TTC9: variants seen among roughly 807,000 people sequenced by gnomAD.
TTC9 encodes tetratricopeptide repeat protein 9A.
Under a neutral mutation model 22.9 loss-of-function variants are expected in TTC9, and 13 were observed. The ratio of observed to expected loss-of-function variants is 0.57; its 90% CI spans 0.37 to 0.90. TTC9 has a LOEUF of 0.90. TTC9 is among the 40% of genes least tolerant of loss of function. The probability of loss-of-function intolerance (pLI) is 0.01; values close to 1 mark genes in which losing one functional copy is unlikely to be tolerated. For synonymous variants in TTC9, 148 were observed against 133.2 expected, an observed-to-expected ratio of 1.11 and a Z score of -0.77; for missense variants, 280 against 291.8, an observed-to-expected ratio of 0.96 and a Z score of 0.29.
chr14:70,654,052 G>T (rs1482098376), intron 1 of TTC9, among the ~76,000 whole-genome samples: 1 of 152,080 alleles, frequency 6.6e-6, no homozygotes, highest in Non-Finnish European at 1.5e-5. Flanking sequence ...GCTTAATCAG[G>T]CATCTTGGGA....
At chr14:70,662,389 C>T (rs1397790840) in intron 1 of TTC9, among the ~76,000 whole-genome samples, 2 of 141,372 alleles carry the variant, frequency 1.4e-5, no homozygotes, top group East Asian at 4.1e-4. Context: ...AGACCCACAT[C>T]AGAACATAAT....
chr14:70,650,239 T>C (rs1242281277), intron 1 of TTC9, among the ~76,000 whole-genome samples: 5 of 152,126 alleles, frequency 3.3e-5, no homozygotes, highest in Non-Finnish European at 7.4e-5. Flanking sequence ...CTGGCCAACA[T>C]GGTGAGAACC....
chr14:70,647,627 G>A (rs904308980), intron 1 of TTC9, among the ~76,000 whole-genome samples: 3 of 152,126 alleles, frequency 2.0e-5, no homozygotes, highest in South Asian at 2.1e-4. Flanking sequence ...GCATCATGGG[G>A]CTCCTAGAAT....
chr14:70,655,969 A>T (rs958758320), intron 1 of TTC9, among the ~76,000 whole-genome samples: 2 of 151,938 alleles, frequency 1.3e-5, no homozygotes, highest in African/African-American at 2.4e-5. Flanking sequence ...TCAGCTTCTT[A>T]GGTTTCCCCA....
chr14:70,651,237 C>A (rs1411116524), intron 1 of TTC9, among the ~76,000 whole-genome samples: 1 of 152,236 alleles, frequency 6.6e-6, no homozygotes, highest in African/African-American at 2.4e-5. Context: ...CTGCCTTGGC[C>A]TCCCAGCATG....
chr14:70,642,365 A>T lies in TTC9; in HGVS notation c.236A>T (p.Lys79Ile). The T allele has an allele frequency of 1.9e-6, 3 of 1,605,462 alleles. No homozygotes were observed. The East Asian group carries it at 6.8e-5, about 36-fold the overall frequency. Residue 79 changes from lysine to isoleucine, a missense_variant, in exon 1 of 3, where the codon AAA becomes ATA. Transcript: ENST00000256367. ...AAGAAATTCCGTGAAGCCATAGGCA[A>T]ATACCACCGGGCGTTGCTGGAGCTG... The part of the protein sequence containing the change: ...KDKKFREAIG[K>I]YHRALLELKG...
In TTC9 at chr14:70,642,255, C is replaced by A; in HGVS notation, c.126C>A (p.Gly42=). The A allele has an allele frequency of 6.8e-7, 1 of 1,469,756 alleles. No individual in the cohort carries two copies. The highest frequency in any genetic ancestry group is 1.3e-5 in the South Asian group (1 of 75,136). The allele number at this position is 1,469,756 out of a possible 1,614,324, so 91.0% of individuals were successfully genotyped here. Reference sequence around the variant, plus strand: ...GCGGCGGAGGAGCCCCAGCGAGGGGCCAGGTCGGGGCGGCGGCCGAGCCGG... The same window carrying A: ...GCGGCGGAGGAGCCCCAGCGAGGGGACAGGTCGGGGCGGCGGCCGAGCCGG... The part of the protein sequence containing the change: ...PGGGGGAPAR[G]QVGAAAEPAE... The change falls in exon 1 of 3, where the codon GGC becomes GGA. Residue 42 remains glycine (G), a synonymous_variant. Transcript: ENST00000256367.
intron 1 of TTC9, among the ~76,000 whole-genome samples, chr14:70,645,729 T>C (rs531959901): frequency 6.6e-6 from 1 of 152,316 alleles, no homozygotes; most frequent in South Asian, 2.1e-4. Flanking sequence ...CGACCAGGTC[T>C]GCAGCACCAG....
At position 70,672,249 on chromosome 14, in the gene TTC9, A is replaced by C. The variant is rs1199489053; in HGVS notation, c.*1094A>C. The C allele has an allele frequency of 1.3e-5, 2 of 152,246 alleles. No homozygotes were observed. The highest frequency in any genetic ancestry group is 3.2e-3 in the Middle Eastern group (1 of 316). The allele number at this position is 152,246 out of a possible 1,614,324, so 9.4% of individuals were successfully genotyped here. A position where few individuals can be genotyped will look rare whatever the true frequency, so the allele number is the denominator to read the frequency against. On this transcript the variant is annotated 3_prime_UTR_variant, in exon 3 of 3. Transcript: ENST00000256367. Reference sequence around the variant, plus strand: ...GGCTTGGCTTTGTCAGAACTTGTACAATCTTCTTTTGATGAAATTATCTGA... The same window carrying C: ...GGCTTGGCTTTGTCAGAACTTGTACCATCTTCTTTTGATGAAATTATCTGA...
intron 1 of TTC9, among the ~76,000 whole-genome samples, chr14:70,663,642 G>T (rs1886173898): frequency 6.8e-6 from 1 of 147,856 alleles, no homozygotes; most frequent in Non-Finnish European, 1.5e-5. Flanking sequence ...ATAGCAGTTA[G>T]CCCACATGTG....
At chr14:70,666,523 A>G (rs1334647743) in intron 1 of TTC9, among the ~76,000 whole-genome samples, 1 of 152,210 alleles carries the variant, frequency 6.6e-6, no homozygotes, top group East Asian at 1.9e-4. Context: ...AAGAATGTTA[A>G]CTAACATTTT....
At position 70,656,098 on chromosome 14, in the gene TTC9, T is replaced by A. The variant is rs770213029; in HGVS notation, c.407-11466T>A. 5.4e-4 allele frequency among the ~76,000 whole-genome samples: 82 copies of A among 152,074 alleles called. 1 individual carries two copies. Among genetic ancestry groups the A allele is most frequent in the Non-Finnish European group, 6.8e-4 (46 of 67,960 alleles). Reference sequence around the variant, plus strand: ...CACCTGAAGCAGTTGATGAAGCCAGTCTCCTCCAAAAAGATAATTTATTCC... The same window carrying A: ...CACCTGAAGCAGTTGATGAAGCCAGACTCCTCCAAAAAGATAATTTATTCC... On this transcript the variant is annotated intron_variant, in intron 1 of 2. Transcript: ENST00000256367.
At chr14:70,650,449 A>C (rs1200919320) in intron 1 of TTC9, among the ~76,000 whole-genome samples, 1 of 151,894 alleles carries the variant, frequency 6.6e-6, no homozygotes, top group East Asian at 1.9e-4. Context: ...ATACTTGATG[A>C]GGAAAATAAA....
chr14:70,651,972 T>A (rs973978242), intron 1 of TTC9, among the ~76,000 whole-genome samples: 36 of 150,378 alleles, frequency 2.4e-4, no homozygotes, highest in African/African-American at 7.7e-4. Context: ...AAAAAAAAAA[T>A]ACATGGAGTG....
intron 1 of TTC9, among the ~76,000 whole-genome samples, chr14:70,646,730 C>G (rs1379034414): frequency 6.6e-6 from 1 of 152,178 alleles, no homozygotes. Context: ...TTTTGTTGAT[C>G]TTACCAAAGG....
chr14:70,647,971 C>A (rs747980819), intron 1 of TTC9, among the ~76,000 whole-genome samples: 3 of 152,076 alleles, frequency 2.0e-5, no homozygotes, highest in Non-Finnish European at 2.9e-5. Flanking sequence ...AGTCTAAGAA[C>A]AAAGGGTATT....
chr14:70,667,150 G>A (rs904988642), intron 1 of TTC9, among the ~76,000 whole-genome samples: 2 of 152,184 alleles, frequency 1.3e-5, no homozygotes, highest in Admixed American at 6.5e-5. Context: ...TTTCCTCTGT[G>A]TGTGTCTGTC....
chr14:70,642,222 C>T lies in TTC9; in HGVS notation c.93C>T (p.Val31=). The T allele has an allele frequency of 7.7e-7, 1 of 1,305,640 alleles. No homozygotes were observed. The allele number at this position is 1,305,640 out of a possible 1,614,324, so 80.9% of individuals were successfully genotyped here. Residue 31 remains valine (V), a synonymous_variant, in exon 1 of 3, where the codon GTC becomes GTT. Coordinates refer to ENST00000256367, the MANE Select transcript of TTC9 (RefSeq NM_015351.2). ...AGCGGCCACCGCCGCCGCTGTGCGTCCCGGGCGGCGGCGGAGGAGCCCCAG... is the reference window on the plus strand; with the variant it reads ...AGCGGCCACCGCCGCCGCTGTGCGTTCCGGGCGGCGGCGGAGGAGCCCCAG... ...EGQRPPPPLC[V]PGGGGGAPAR...
chr14:70,643,586 C>T (rs187829452), intron 1 of TTC9, among the ~76,000 whole-genome samples: 6 of 152,168 alleles, frequency 3.9e-5, no homozygotes, highest in Non-Finnish European at 7.3e-5. Flanking sequence ...CCTAAACTGT[C>T]TATGGACAGT....
Sources: allele counts gnomAD v4.1 joint callset (sites outside exome capture counted in the v4.1 genomes callset), GRCh38; gene constraint gnomAD v4.1.1; transcripts MANE v1.5; gene names NCBI Gene and HGNC (gene_info 2026-07-23, HGNC 2026-07-21).